Variants in ATG7 observed in about 807,000 individuals in gnomAD.
ATG7 encodes autophagy related 7.
ATG7 carries 70 observed loss-of-function variants against 82.4 expected under a neutral mutation model. The ratio of observed to expected loss-of-function variants is 0.85; its 90% confidence interval spans 0.70 to 1.04. The LOEUF is 1.04. Among genes scored for constraint, ATG7 ranks in the 50% least tolerant of loss-of-function variants. ATG7 has a pLI of 0.00. For missense variants in ATG7, 792 were observed against 864.3 expected, an observed-to-expected ratio of 0.92 and a Z score of 1.05; for synonymous variants, 287 against 313.0, an observed-to-expected ratio of 0.92 and a Z score of 0.88.
chr3:11,417,167 G>A (rs2081439385), intron 19 of ATG7, among the ~76,000 whole-genome samples: 1 of 152,204 alleles, frequency 6.6e-6, no homozygotes, highest in Non-Finnish European at 1.5e-5. Flanking sequence ...GGATGAAAGA[G>A]AGAGGTGAAT....
At chr3:11,332,736 T>C (rs534739709) in intron 10 of ATG7, 1 of 325,076 alleles carries the variant, frequency 3.1e-6, no homozygotes, top group South Asian at 1.5e-4. Context: ...TAGAAAGAAA[T>C]CACCTAGAAA....
the ATG7 span, among the ~76,000 whole-genome samples, chr3:11,567,164 G>A: frequency 3.3e-5 from 5 of 152,234 alleles, no homozygotes; most frequent in East Asian, 1.9e-4. Flanking sequence ...TTAGTGACCC[G>A]AGGCGTTCCG....
chr3:11,377,568 C>A (rs1341065788), intron 18 of ATG7, among the ~76,000 whole-genome samples: 3 of 152,086 alleles, frequency 2.0e-5, no homozygotes, highest in African/African-American at 7.2e-5. Context: ...GAGAAAATTA[C>A]CAGTATTTGT....
At chr3:11,300,463 T>C (rs1162863970) in intron 5 of ATG7, among the ~76,000 whole-genome samples, 1 of 152,214 alleles carries the variant, frequency 6.6e-6, no homozygotes, top group East Asian at 1.9e-4. Flanking sequence ...GGGATTTTGC[T>C]ATCTTCTACA....
chr3:11,445,326 GA>G (rs1187995869), intron 20 of ATG7, among the ~76,000 whole-genome samples: 1 of 152,178 alleles, frequency 6.6e-6, no homozygotes, highest in African/African-American at 2.4e-5. Flanking sequence ...TGGTAGACTG[GA>G]TAAAGAAAAT....
At chr3:11,363,969 T>G (rs957602861) in intron 17 of ATG7, among the ~76,000 whole-genome samples, 3 of 152,202 alleles carry the variant, frequency 2.0e-5, no homozygotes, top group African/African-American at 7.2e-5. Flanking sequence ...CATTTAAGTT[T>G]ATTGCCACTC....
At chr3:11,563,473 T>C in the ATG7 span, among the ~76,000 whole-genome samples, 2 of 152,172 alleles carry the variant, frequency 1.3e-5, no homozygotes, top group Non-Finnish European at 2.9e-5. Context: ...AACAGCACAA[T>C]CCTCTCTTCT....
intron 20 of ATG7, chr3:11,510,186 A>G (rs571372983): frequency 6.1e-5 from 28 of 456,402 alleles, no homozygotes; most frequent in South Asian, 4.3e-4. Context: ...CCCTTTCAGG[A>G]TCATCTTTCT....
chr3:11,427,757 A>G (rs555343852), intron 20 of ATG7, among the ~76,000 whole-genome samples: 5 of 151,894 alleles, frequency 3.3e-5, no homozygotes, highest in East Asian at 3.9e-4. Context: ...AGAGGTTGCA[A>G]TGAGCCGAGA....
intron 9 of ATG7, among the ~76,000 whole-genome samples, chr3:11,326,619 T>C (rs1950922129): frequency 6.6e-6 from 1 of 152,202 alleles, no homozygotes; most frequent in East Asian, 1.9e-4. Flanking sequence ...ATGCTTTTTA[T>C]GAATAAAAGC....
intron 20 of ATG7, among the ~76,000 whole-genome samples, chr3:11,454,163 C>T (rs1405141792): frequency 6.6e-6 from 1 of 152,168 alleles, no homozygotes; most frequent in Non-Finnish European, 1.5e-5. Context: ...GCTGGTTTTT[C>T]TGCCTAGGAA....
intron 20 of ATG7, among the ~76,000 whole-genome samples, chr3:11,551,841 T>C (rs1216474534): frequency 2.6e-5 from 4 of 152,146 alleles, no homozygotes; most frequent in Non-Finnish European, 4.4e-5. Flanking sequence ...TTCTACCTCC[T>C]GAGTTCAAGC....
chr3:11,309,199 C>T (rs1170423807), intron 7 of ATG7, 138 bp downstream of exon 7: 4 of 872,444 alleles, frequency 4.6e-6, no homozygotes, highest in Non-Finnish European at 7.5e-6. Flanking sequence ...ACGAAACGCT[C>T]ATTTGATTAG....
At chr3:11,543,530 C>A (rs1403997563) in intron 20 of ATG7, among the ~76,000 whole-genome samples, 1 of 152,186 alleles carries the variant, frequency 6.6e-6, no homozygotes, top group African/African-American at 2.4e-5. Flanking sequence ...CTCGAGGAGG[C>A]AGTGAGTGCT....
rs992629490 is a variant in ATG7 at position 11,370,485 on chromosome 3, C to T, written c.1875+5751C>T. On this transcript the variant is annotated intron_variant, in intron 18 of 20. Coordinates refer to ENST00000693202, the MANE Select transcript of ATG7 (RefSeq NM_001349232.2). ...TAAGACTCTTTTCAGCATCCAAGAT[C>T]GATCTGGAGTTTGGAGTTAGTTTTT... Among the ~76,000 whole-genome samples, 10 of 151,206 alleles carry T rather than the reference C, an allele frequency of 6.6e-5. 1 individual carries two copies. The highest frequency in any genetic ancestry group is 4.6e-4 in the Admixed American group (7 of 15,126).
intron 3 of ATG7, among the ~76,000 whole-genome samples, chr3:11,284,724 T>A (rs1017096548): frequency 5.3e-5 from 8 of 152,044 alleles, no homozygotes; most frequent in Non-Finnish European, 1.2e-4. Flanking sequence ...AATAATTTTT[T>A]AAAATTATTT....
intron 18 of ATG7, among the ~76,000 whole-genome samples, chr3:11,373,595 T>C (rs1300512555): frequency 1.3e-5 from 2 of 152,176 alleles, no homozygotes; most frequent in Non-Finnish European, 2.9e-5. Flanking sequence ...ACACTTTGCT[T>C]TATAGACTTT....
At chr3:11,452,482 A>G (rs1412109296) in intron 20 of ATG7, among the ~76,000 whole-genome samples, 1 of 151,938 alleles carries the variant, frequency 6.6e-6, no homozygotes, top group East Asian at 1.9e-4. Context: ...TGAACTGTTA[A>G]ATTGGTGAAT....
chr3:11,528,628 C>T (rs550128210), intron 20 of ATG7, among the ~76,000 whole-genome samples: 313 of 152,090 alleles, frequency 2.1e-3, no homozygotes, highest in Non-Finnish European at 3.7e-3. Context: ...GAGTTTGAGA[C>T]CAGCCTGGCC....
Sources: allele counts gnomAD v4.1 joint callset (sites outside exome capture counted in the v4.1 genomes callset), GRCh38; gene constraint gnomAD v4.1.1; transcripts MANE v1.5; gene names NCBI Gene and HGNC (gene_info 2026-07-23, HGNC 2026-07-21).